PRR16: variants seen among roughly 807,000 people sequenced by gnomAD.
The protein encoded by PRR16 is proline rich 16.
A neutral mutation model predicts 18.2 loss-of-function variants in PRR16; 6 were observed. The observed-to-expected ratio is 0.33, with a 90% CI of 0.18 to 0.65. PRR16 has a LOEUF of 0.65. Among genes scored for constraint, PRR16 ranks in the 30% least tolerant of loss-of-function variants. The probability of loss-of-function intolerance (pLI) is 0.74; values close to 1 mark genes in which losing one functional copy is unlikely to be tolerated. For synonymous variants in PRR16, 151 were observed against 147.8 expected (o/e 1.02, Z -0.16); for missense variants, 412 against 376.6 (o/e 1.09, Z -0.78).
chr5:120,612,786 G>A (rs1291805530), intron 1 of PRR16, among the ~76,000 whole-genome samples: 1 of 152,104 alleles, frequency 6.6e-6, no homozygotes, highest in Non-Finnish European at 1.5e-5. Context: ...ATTCTAAAAT[G>A]CTAATAAATG....
intron 1 of PRR16, among the ~76,000 whole-genome samples, chr5:120,492,370 C>T (rs1750088855): frequency 6.6e-6 from 1 of 151,420 alleles, no homozygotes; most frequent in Non-Finnish European, 1.5e-5. Context: ...ATTGTCTCAC[C>T]TTAGCCTTCC....
chr5:120,483,455 A>ACATG (rs1749689062), intron 1 of PRR16, among the ~76,000 whole-genome samples: 1 of 151,856 alleles, frequency 6.6e-6, no homozygotes, highest in Admixed American at 6.6e-5. Context: ...CAACATACAT[A>ACATG]CATACATACA....
chr5:120,660,680 C>T (rs377730080), intron 1 of PRR16, among the ~76,000 whole-genome samples: 1 of 152,032 alleles, frequency 6.6e-6, no homozygotes, highest in Non-Finnish European at 1.5e-5. Context: ...CCTCCATCTC[C>T]TTGACATTGT....
chr5:120,585,811 G>A (rs1002126844), intron 1 of PRR16, among the ~76,000 whole-genome samples: 3 of 151,812 alleles, frequency 2.0e-5, no homozygotes, highest in Admixed American at 6.6e-5. Flanking sequence ...ATGAAATGAA[G>A]GTATTACCTT....
intron 1 of PRR16, among the ~76,000 whole-genome samples, chr5:120,553,017 C>G (rs920419269): frequency 6.6e-6 from 1 of 151,872 alleles, no homozygotes; most frequent in Non-Finnish European, 1.5e-5. Flanking sequence ...TAACTCCGAA[C>G]TCAGACTACT....
chr5:120,640,081 G>T lies in PRR16; in HGVS notation c.160-45873G>T, dbSNP rs138122495. Among the ~76,000 whole-genome samples the T allele has an allele frequency of 3.3e-3, 509 of 152,146 alleles. 2 individuals are homozygous for T. Among genetic ancestry groups the T allele is most frequent in the African/African-American group, 0.012 (493 of 41,536 alleles). ...CACATGATCTCATTTATAAGTGGGA[G>T]CTAAGCATGTTTACATGGATATAAA... On this transcript the variant is annotated intron_variant, in intron 1 of 1. Transcript: ENST00000407149.
intron 1 of PRR16, among the ~76,000 whole-genome samples, chr5:120,534,789 C>A (rs1751662608): frequency 6.6e-6 from 1 of 152,036 alleles, no homozygotes; most frequent in Non-Finnish European, 1.5e-5. Context: ...TAGATGTGAG[C>A]CTCAACTGGC....
intron 1 of PRR16, among the ~76,000 whole-genome samples, chr5:120,600,529 T>C (rs1753948626): frequency 1.3e-5 from 2 of 151,932 alleles, no homozygotes; most frequent in Admixed American, 1.3e-4. Flanking sequence ...TCTAATGATA[T>C]AGTTCTTTTT....
intron 1 of PRR16, among the ~76,000 whole-genome samples, chr5:120,608,742 CT>C (rs750354278): frequency 1.3e-5 from 2 of 152,116 alleles, no homozygotes; most frequent in Non-Finnish European, 2.9e-5. Flanking sequence ...GGTTAACCCC[CT>C]AGACGGTGTT....
At chr5:120,703,974 C>G in the PRR16 span, among the ~76,000 whole-genome samples, 22 of 152,118 alleles carry the variant, frequency 1.4e-4, no homozygotes, top group Admixed American at 1.0e-3. Flanking sequence ...GGGAGCTTTT[C>G]TATAAAGATT....
At chr5:120,559,023 T>C (rs970650787) in intron 1 of PRR16, among the ~76,000 whole-genome samples, 2 of 152,008 alleles carry the variant, frequency 1.3e-5, no homozygotes, top group African/African-American at 4.8e-5. Context: ...TTTGAGCTCG[T>C]TTTATGTTCT....
At chr5:120,498,326 T>C (rs1750329065) in intron 1 of PRR16, among the ~76,000 whole-genome samples, 3 of 148,804 alleles carry the variant, frequency 2.0e-5, no homozygotes, top group African/African-American at 7.3e-5. Flanking sequence ...TATATACACA[T>C]ACATATATAC....
chr5:120,482,501 G>T (rs772004566), intron 1 of PRR16, among the ~76,000 whole-genome samples: 3 of 152,070 alleles, frequency 2.0e-5, no homozygotes, highest in Admixed American at 6.6e-5. Context: ...TGGTGTATAT[G>T]TACCATATTT....
the PRR16 span, among the ~76,000 whole-genome samples, chr5:120,770,289 C>A: frequency 6.6e-6 from 1 of 151,850 alleles, no homozygotes; most frequent in African/African-American, 2.4e-5. Flanking sequence ...ATAAATAAAT[C>A]CATTCATACA....
chr5:120,713,312 T>A, the PRR16 span, among the ~76,000 whole-genome samples: 2 of 152,160 alleles, frequency 1.3e-5, no homozygotes, highest in African/African-American at 4.8e-5. Context: ...AAATGTAGCA[T>A]AGTATATCTA....
At chr5:120,601,613 G>A (rs1341295491) in intron 1 of PRR16, among the ~76,000 whole-genome samples, 1 of 151,806 alleles carries the variant, frequency 6.6e-6, no homozygotes, top group African/African-American at 2.4e-5. Context: ...AAATGTTTTT[G>A]GATTCTTTCT....
intron 1 of PRR16, among the ~76,000 whole-genome samples, chr5:120,558,425 T>C (rs2112712799): frequency 6.6e-6 from 1 of 152,066 alleles, no homozygotes; most frequent in South Asian, 2.1e-4. Context: ...CCTGGCTTAT[T>C]TCATTTAGCA....
intron 1 of PRR16, among the ~76,000 whole-genome samples, chr5:120,469,782 C>G (rs569308955): frequency 5.3e-5 from 8 of 152,162 alleles, no homozygotes; most frequent in Non-Finnish European, 8.8e-5. Context: ...TGAAATTTTT[C>G]TTTACTTAGG....
chr5:120,635,779 C>A (rs1294581435), intron 1 of PRR16, among the ~76,000 whole-genome samples: 1 of 151,970 alleles, frequency 6.6e-6, no homozygotes, highest in African/African-American at 2.4e-5. Flanking sequence ...AGCAATCAGA[C>A]AAGAGAAAGA....
Sources: gnomAD v4.1 joint callset for allele counts (sites outside exome capture counted in the v4.1 genomes callset) on GRCh38, gnomAD v4.1.1 for gene constraint, MANE v1.5 for transcripts, NCBI Gene and HGNC (gene_info 2026-07-23, HGNC 2026-07-21) for gene names.